The following ADAMTS9 variants were observed in gnomAD, a reference collection of about 807,000 sequenced individuals.
ADAMTS9 encodes the protein ADAM metallopeptidase with thrombospondin type 1 motif 9.
ADAMTS9 carries 107 observed loss-of-function variants against 257.1 expected under a neutral mutation model. That is an observed-to-expected ratio of 0.42 (90% CI 0.36 to 0.49). The LOEUF (loss-of-function observed/expected upper bound fraction) is 0.49, where lower values mean the gene tolerates loss of function less well. Ranked by LOEUF, ADAMTS9 falls within the 20% of genes least tolerant of loss-of-function variation. The pLI is 0.03. For synonymous variants in ADAMTS9, 982 were observed against 880.9 expected (o/e 1.11, Z -2.03); for missense variants, 2,353 against 2,469.1 (o/e 0.95, Z 1.00).
At chr3:64,529,874 A>T (rs1185097215) in intron 38 of ADAMTS9, among the ~76,000 whole-genome samples, 2 of 152,066 alleles carry the variant, frequency 1.3e-5, no homozygotes, top group Non-Finnish European at 2.9e-5. Flanking sequence ...GCTGGAGTAC[A>T]GTGGTACAAT....
chr3:64,576,780 A>C (rs2106722443), intron 28 of ADAMTS9, among the ~76,000 whole-genome samples: 1 of 152,310 alleles, frequency 6.6e-6, no homozygotes, highest in South Asian at 2.1e-4. Context: ...CAAAGGTCTA[A>C]GAAAAGGAAC....
chr3:64,604,078 A>G lies in ADAMTS9; in HGVS notation c.3591T>C (p.Thr1197=), dbSNP rs773873069. Residue 1197 remains threonine, a synonymous_variant, in exon 25 of 40, where the codon ACT becomes ACC. Coordinates refer to ENST00000498707, the MANE Select transcript of ADAMTS9 (RefSeq NM_182920.2). ...RFGSWTPCSA[T]CGKGTRMRYV... Reference sequence around the variant, plus strand: ...ATCTCATCCGGGTACCTTTCCCACAAGTGGCTGAGCACTGGGTGTTGGAGT... The same window carrying G: ...ATCTCATCCGGGTACCTTTCCCACAGGTGGCTGAGCACTGGGTGTTGGAGT... 1.4e-5 allele frequency: 23 copies of G among 1,613,910 alleles called. No homozygotes were observed. Among genetic ancestry groups the G allele is most frequent in the East Asian group, 2.2e-5 (1 of 44,854 alleles).
At chr3:64,543,480 C>G (rs1162414229) in intron 32 of ADAMTS9, among the ~76,000 whole-genome samples, 2 of 152,154 alleles carry the variant, frequency 1.3e-5, no homozygotes, top group Admixed American at 1.3e-4. Context: ...AATCAATAAA[C>G]GTAATCCATC....
rs1343872468 is a variant in ADAMTS9 at position 64,654,504 on chromosome 3, C to A, written c.1211-46G>T. 5.0e-6 allele frequency: 8 copies of A among 1,598,892 alleles called. No individual in the cohort carries two copies. In the Admixed American group the frequency reaches 1.0e-4, roughly 21 times the overall value. The stretch of plus-strand genomic sequence containing the variant: ...AACAAGGATTTACTCTAAAAAGCAA[C>A]TGTGGCTTGAAATACAAACATGTAG... On this transcript the variant is annotated intron_variant, in intron 7 of 39. Coordinates refer to ENST00000498707, the MANE Select transcript of ADAMTS9 (RefSeq NM_182920.2).
intron 30 of ADAMTS9, among the ~76,000 whole-genome samples, chr3:64,554,178 T>C (rs570235950): frequency 3.9e-5 from 6 of 152,170 alleles, no homozygotes; most frequent in Non-Finnish European, 8.8e-5. Flanking sequence ...AGAAATACAA[T>C]GAATCCTAAA....
Position 64,658,526 on chromosome 3 carries a change from G to C in ADAMTS9, c.945C>G (p.His315Gln), listed in dbSNP as rs1402228151. The C allele has an allele frequency of 1.2e-6, 2 of 1,612,884 alleles. No individual in the cohort carries two copies. Among genetic ancestry groups the C allele is most frequent in the Non-Finnish European group, 1.7e-6 (2 of 1,179,662 alleles). ...MVSYHGENLQ[H>Q]YILTLMSIVA... is the part of the protein sequence containing the mutation. ...CAATTGACATTAAAGTTAAAATATA[G>C]TGTTGAAGGTTTTCTCCATGGTATG... Residue 315 changes from histidine (H) to glutamine (Q), a missense_variant, in exon 4 of 40, where the codon CAC (histidine) becomes CAG (glutamine). By Grantham distance (24) the His-to-Gln change is conservative (BLOSUM62 0). This residue lies in a region of ADAMTS9 where 591 missense variants were observed against 569.6 expected (regional missense o/e 1.04). Transcript: ENST00000498707.
At chr3:64,566,273 G>A (rs2083543469) in intron 29 of ADAMTS9, among the ~76,000 whole-genome samples, 1 of 152,154 alleles carries the variant, frequency 6.6e-6, no homozygotes, top group Non-Finnish European at 1.5e-5. Flanking sequence ...CACTGGGTCT[G>A]ATTATTTTCA....
At chr3:64,680,772 T>A (rs189813049) in intron 3 of ADAMTS9, among the ~76,000 whole-genome samples, 128 of 152,274 alleles carry the variant, frequency 8.4e-4, no homozygotes, top group Admixed American at 2.6e-3. Context: ...TTATAAGACA[T>A]TTCTGTAACC....
At chr3:64,547,512 A>ATTTTTTT (rs58728148) in intron 31 of ADAMTS9, among the ~76,000 whole-genome samples, 6 of 122,108 alleles carry the variant, frequency 4.9e-5, no homozygotes, top group Non-Finnish European at 8.1e-5. Context: ...CTGGCTATAG[A>ATTTTTTT]TTTTTTTTTT....
At chr3:64,548,934 G>A (rs773728636) in intron 31 of ADAMTS9, among the ~76,000 whole-genome samples, 4 of 152,234 alleles carry the variant, frequency 2.6e-5, no homozygotes, top group Admixed American at 6.5e-5. Context: ...GCTAGAAAAT[G>A]CATGTGTCAA....
intron 30 of ADAMTS9, among the ~76,000 whole-genome samples, chr3:64,560,426 G>T (rs1210600792): frequency 6.6e-6 from 1 of 152,192 alleles, no homozygotes; most frequent in South Asian, 2.1e-4. Flanking sequence ...GGAGGCGAGG[G>T]AAGAGGAAGA....
At chr3:64,615,637 A>T (rs1680475427) in intron 20 of ADAMTS9, 152 bp from the exon 21 acceptor site, 1 of 894,378 alleles carries the variant, frequency 1.1e-6, no homozygotes, top group African/African-American at 1.7e-5. Context: ...TCATGTTATC[A>T]GTTTGCTTAC....
intron 28 of ADAMTS9, among the ~76,000 whole-genome samples, chr3:64,590,913 C>G (rs571319787): frequency 1.3e-5 from 2 of 152,058 alleles, no homozygotes; most frequent in Non-Finnish European, 2.9e-5. Context: ...AAAGGAACAC[C>G]GAAGACCCAT....
intron 10 of ADAMTS9, 76 bp from the exon 11 acceptor site, chr3:64,648,120 T>C: frequency 7.5e-7 from 1 of 1,328,068 alleles, no homozygotes; most frequent in Non-Finnish European, 1.0e-6. Context: ...AAGCTTGCTT[T>C]CAACTAATGT....
intron 25 of ADAMTS9, among the ~76,000 whole-genome samples, chr3:64,602,531 G>T (rs1221898178): frequency 1.3e-5 from 2 of 152,026 alleles, no homozygotes; most frequent in Non-Finnish European, 2.9e-5. Context: ...TTATGATGTG[G>T]CCACTGACTA....
rs780647174 is a variant in ADAMTS9, at chr3:64,686,790, C to G, written c.294G>C (p.Ala98=). Residue 98 remains alanine, a synonymous_variant, in exon 2 of 40, where the codon GCG becomes GCC. Transcript: ENST00000498707. This position sits in a 1 kb window ranked among gnomAD's most constrained non-coding sequence, Gnocchi z 4.6. ...SSSSSSTSSQ[A]HYRLSAFGQQ... ...GGCCGAAGGCAGAGAGGCGGTAATGCGCCTGGGAGGAGGTAGAGGAGGAAG... is the reference window on the plus strand; with the variant it reads ...GGCCGAAGGCAGAGAGGCGGTAATGGGCCTGGGAGGAGGTAGAGGAGGAAG... The G allele has an allele frequency of 6.2e-7, 1 of 1,614,002 alleles. No individual in the cohort carries two copies. The highest frequency in any genetic ancestry group is 1.1e-5 in the South Asian group (1 of 91,060).
intron 30 of ADAMTS9, among the ~76,000 whole-genome samples, chr3:64,554,263 G>A (rs1028486283): frequency 1.3e-4 from 20 of 152,086 alleles, no homozygotes; most frequent in Admixed American, 1.2e-3. Flanking sequence ...TTTTGCCAGC[G>A]GTGGAAAGGG....
chr3:64,543,708 A>G (rs1193321410), intron 32 of ADAMTS9, among the ~76,000 whole-genome samples: 2 of 152,222 alleles, frequency 1.3e-5, no homozygotes, highest in Admixed American at 1.3e-4. Context: ...AAATTGGCAC[A>G]AGACAGGGAT....
chr3:64,545,387 A>G (rs1373876547), intron 32 of ADAMTS9, among the ~76,000 whole-genome samples: 2 of 152,248 alleles, frequency 1.3e-5, no homozygotes, highest in Non-Finnish European at 2.9e-5. Flanking sequence ...GACTGCACTA[A>G]GAAAATGTGG....
Sources: allele counts gnomAD v4.1 joint callset (sites outside exome capture counted in the v4.1 genomes callset), GRCh38; gene constraint gnomAD v4.1.1; regional missense constraint gnomAD v4.1.1; non-coding constraint Gnocchi (gnomAD v3.1); transcripts MANE v1.5; gene names NCBI Gene and HGNC (gene_info 2026-07-23, HGNC 2026-07-21).